Variants in BBOX1 observed in about 807,000 individuals in gnomAD.
The protein encoded by BBOX1 is gamma-butyrobetaine dioxygenase.
BBOX1 carries 35 observed loss-of-function variants against 41.6 expected under a neutral mutation model. The ratio of observed to expected loss-of-function variants is 0.84; its 90% CI spans 0.64 to 1.11. BBOX1 has a LOEUF of 1.11. BBOX1 is among the 50% of genes most tolerant of loss of function. The pLI is 0.00. For synonymous variants in BBOX1, 163 were observed against 154.7 expected, an observed-to-expected ratio of 1.05 and a Z score of -0.40; for missense variants, 458 against 460.6, an observed-to-expected ratio of 0.99 and a Z score of 0.05.
intron 5 of BBOX1, among the ~76,000 whole-genome samples, chr11:27,109,540 A>C (rs1228406192): frequency 6.6e-6 from 1 of 152,002 alleles, no homozygotes; most frequent in Non-Finnish European, 1.5e-5. Flanking sequence ...AGATGGGGAA[A>C]AGAACAGAAA....
At chr11:27,089,682 T>C (rs1255426038) in intron 4 of BBOX1, among the ~76,000 whole-genome samples, 1 of 152,036 alleles carries the variant, frequency 6.6e-6, no homozygotes, top group East Asian at 1.9e-4. Context: ...TCCCATCCAC[T>C]TCTAATACTC....
intron 5 of BBOX1, among the ~76,000 whole-genome samples, chr11:27,095,424 C>A (rs966894775): frequency 1.3e-5 from 2 of 151,802 alleles, no homozygotes; most frequent in African/African-American, 4.8e-5. Flanking sequence ...ATAATTTGGC[C>A]ACTGATCTAA....
chr11:27,044,824 T>C (rs1372604821), intron 2 of BBOX1, among the ~76,000 whole-genome samples: 2 of 152,198 alleles, frequency 1.3e-5, no homozygotes, highest in Admixed American at 1.3e-4. Flanking sequence ...GCTGTTTTGG[T>C]TACTGTGGCC....
rs769903172 is a variant in BBOX1, at chr11:27,127,492, A to G, written c.*39A>G. ...TAATTTTAATAAGATTCCAATGACC[A>G]TATTTTGTGAGATATGGCACATTAT... On this transcript the variant is annotated 3_prime_UTR_variant, in exon 9 of 9. Transcript: ENST00000263182. The G allele has an allele frequency of 6.4e-7, 1 of 1,572,106 alleles. No homozygotes were observed. The highest frequency in any genetic ancestry group is 8.6e-7 in the Non-Finnish European group (1 of 1,162,828).
At chr11:27,079,136 T>C (rs1286122331) in intron 4 of BBOX1, among the ~76,000 whole-genome samples, 2 of 152,222 alleles carry the variant, frequency 1.3e-5, no homozygotes, top group Non-Finnish European at 2.9e-5. Flanking sequence ...TCATGTTCTA[T>C]TCCTGATTAA....
At chr11:27,119,607 T>A (rs767068782) in intron 6 of BBOX1, 42 bp from the exon 7 acceptor site, 5 of 1,058,174 alleles carry the variant, frequency 4.7e-6, no homozygotes, top group Non-Finnish European at 6.2e-6. Context: ...AATTAAAATG[T>A]AATTTAATAT....
chr11:27,042,575 C>A (rs1161161345), intron 2 of BBOX1, among the ~76,000 whole-genome samples: 1 of 152,142 alleles, frequency 6.6e-6, no homozygotes, highest in Non-Finnish European at 1.5e-5. Flanking sequence ...TCTCAAATTC[C>A]TGGCCTCAAA....
Position 27,104,717 on chromosome 11 carries a change from C to T in BBOX1, c.534-10735C>T, listed in dbSNP as rs559412665. Among the ~76,000 whole-genome samples, 3 of 152,134 alleles carry T rather than the reference C, an allele frequency of 2.0e-5. No homozygotes were observed. In the South Asian group the frequency reaches 6.2e-4, roughly 32 times the overall value. ...AGAAACTTCTGCAGACTTAAATGTC[C>T]CTGTCTGACAGCTTTGAAGAGAGTA... On this transcript the variant is annotated intron_variant, in intron 5 of 8. Transcript: ENST00000263182.
intron 4 of BBOX1, among the ~76,000 whole-genome samples, chr11:27,082,978 A>G (rs1453572588): frequency 6.6e-6 from 1 of 152,120 alleles, no homozygotes; most frequent in Non-Finnish European, 1.5e-5. Flanking sequence ...CATACAGAGT[A>G]TGTCAGGTTA....
chr11:27,059,026 C>T (rs1451151832), intron 4 of BBOX1, among the ~76,000 whole-genome samples: 5 of 152,270 alleles, frequency 3.3e-5, no homozygotes, highest in South Asian at 4.1e-4. Context: ...AAAAAGCCTT[C>T]GAAGGCATTT....
At chr11:27,114,299 G>A (rs1245449368) in intron 5 of BBOX1, among the ~76,000 whole-genome samples, 2 of 151,720 alleles carry the variant, frequency 1.3e-5, no homozygotes, top group South Asian at 2.1e-4. Context: ...GGATTGGAAG[G>A]CATAAAATTG....
At chr11:27,085,967 T>C (rs1858025096) in intron 4 of BBOX1, among the ~76,000 whole-genome samples, 1 of 152,104 alleles carries the variant, frequency 6.6e-6, no homozygotes, top group Admixed American at 6.6e-5. Context: ...CAAAGCCTAA[T>C]TCAGAGCAAG....
chr11:27,093,392 T>C (rs1319297121), intron 5 of BBOX1, 26 bp downstream of exon 5: 1 of 1,607,100 alleles, frequency 6.2e-7, no homozygotes, highest in Admixed American at 1.7e-5. Flanking sequence ...GTTTGTATTC[T>C]GCCATCACAG....
intron 5 of BBOX1, among the ~76,000 whole-genome samples, chr11:27,109,939 T>A (rs2134082502): frequency 6.6e-6 from 1 of 152,156 alleles, no homozygotes; most frequent in East Asian, 1.9e-4. Flanking sequence ...AAAAAGCACT[T>A]ATTTAAAAGT....
intron 4 of BBOX1, among the ~76,000 whole-genome samples, chr11:27,077,654 A>T (rs1590192084): frequency 6.7e-6 from 1 of 149,828 alleles, no homozygotes; most frequent in South Asian, 2.1e-4. Context: ...AGTTTTCTTG[A>T]CCCTCTTGAA....
rs558190453 is a variant in BBOX1 at position 27,054,986 on chromosome 11, G to A, written c.-38-407G>A. Among the ~76,000 whole-genome samples, 271 of 152,116 alleles carry A rather than the reference G, an allele frequency of 1.8e-3. 1 individual carries two copies. Among genetic ancestry groups the A allele is most frequent in the African/African-American group, 6.3e-3 (261 of 41,522 alleles). On this transcript the variant is annotated intron_variant, in intron 2 of 8. Transcript: ENST00000263182. Reference sequence around the variant, plus strand: ...TTTTTTTCAAAAGCCATGTCCAAGTGGGCACCAGTTAAAATAGGACAGGGG... The same window carrying A: ...TTTTTTTCAAAAGCCATGTCCAAGTAGGCACCAGTTAAAATAGGACAGGGG...
chr11:27,054,199 G>A (rs1856900998), intron 2 of BBOX1, among the ~76,000 whole-genome samples: 1 of 107,344 alleles, frequency 9.3e-6, no homozygotes, highest in African/African-American at 3.8e-5. Context: ...CTGTGTGTGT[G>A]TGTGTCTGTG....
At chr11:27,081,124 T>C (rs7930368) in intron 4 of BBOX1, among the ~76,000 whole-genome samples, 137,241 of 152,134 alleles carry the variant, frequency 0.9, 62,066 homozygotes, top group East Asian at 0.94. Flanking sequence ...TGACAAAGGA[T>C]CATATCAGAT....
chr11:27,098,516 A>G (rs1184426720), intron 5 of BBOX1, among the ~76,000 whole-genome samples: 1 of 152,144 alleles, frequency 6.6e-6, no homozygotes, highest in Non-Finnish European at 1.5e-5. Context: ...ATATTAATAA[A>G]ACAAAATGAA....
Sources: allele counts gnomAD v4.1 joint callset (sites outside exome capture counted in the v4.1 genomes callset), GRCh38; gene constraint gnomAD v4.1.1; transcripts MANE v1.5; gene names NCBI Gene and HGNC (gene_info 2026-07-23, HGNC 2026-07-21).